Variants in NPSR1 observed in about 807,000 individuals in gnomAD.
NPSR1 encodes the protein neuropeptide S receptor.
A neutral mutation model predicts 46.9 loss-of-function variants in NPSR1; 48 were observed. The observed-to-expected ratio is 1.02, with a 90% CI of 0.81 to 1.30. The LOEUF is 1.30. Ranked by LOEUF, NPSR1 falls within the 50% of genes most tolerant of loss-of-function variation. NPSR1 has a pLI of 0.00. For synonymous variants in NPSR1, 176 were observed against 168.1 expected (o/e 1.05, Z -0.36); for missense variants, 450 against 449.5 (o/e 1.00, Z -0.01).
intron 8 of NPSR1, among the ~76,000 whole-genome samples, chr7:34,857,971 G>A (rs139137246): frequency 0.014 from 2,145 of 151,778 alleles, 103 homozygotes; most frequent in African/African-American, 0.042. Context: ...AAAAGCAAGG[G>A]AAAGTAAATT....
At chr7:34,818,490 T>A (rs921764997) in intron 4 of NPSR1, among the ~76,000 whole-genome samples, 22 of 152,192 alleles carry the variant, frequency 1.4e-4, no homozygotes, top group African/African-American at 4.8e-4. Flanking sequence ...ATGGCCATAC[T>A]GCCCAAGGTA....
At chr7:34,792,116 G>C (rs1787909260) in intron 3 of NPSR1, among the ~76,000 whole-genome samples, 2 of 151,982 alleles carry the variant, frequency 1.3e-5, no homozygotes, top group Admixed American at 6.6e-5. Flanking sequence ...AAAATTCCTA[G>C]ATAAAAACAG....
At chr7:34,699,120 T>C (rs1407461425) in intron 2 of NPSR1, among the ~76,000 whole-genome samples, 1 of 152,204 alleles carries the variant, frequency 6.6e-6, no homozygotes, top group African/African-American at 2.4e-5. Flanking sequence ...ATACTGGCTC[T>C]ATTAGGATGA....
At chr7:34,765,721 G>A (rs117628887) in intron 2 of NPSR1, among the ~76,000 whole-genome samples, 102 of 152,292 alleles carry the variant, frequency 6.7e-4, no homozygotes, top group Non-Finnish European at 1.2e-3. Flanking sequence ...CTATGCAGTC[G>A]TAGAAAAGAA....
intron 2 of NPSR1, among the ~76,000 whole-genome samples, chr7:34,729,760 T>C (rs1385822685): frequency 6.6e-6 from 1 of 152,100 alleles, no homozygotes; most frequent in Non-Finnish European, 1.5e-5. Flanking sequence ...AAATACAAAA[T>C]GCATATGAAC....
chr7:34,834,265 A>G, intron 5 of NPSR1, 119 bp from the exon 6 acceptor site: 3 of 746,580 alleles, frequency 4.0e-6, no homozygotes, highest in Non-Finnish European at 7.3e-6. Context: ...GGGGGCAGGC[A>G]TGGTTAAAAG....
At chr7:34,725,831 G>C (rs1364615373) in intron 2 of NPSR1, among the ~76,000 whole-genome samples, 1 of 152,192 alleles carries the variant, frequency 6.6e-6, no homozygotes, top group East Asian at 1.9e-4. Context: ...CACGTGTCAA[G>C]GGTGGTGCCG....
At chr7:34,802,488 G>A (rs1299032073) in intron 3 of NPSR1, among the ~76,000 whole-genome samples, 8 of 150,338 alleles carry the variant, frequency 5.3e-5, no homozygotes, top group South Asian at 2.1e-4. Context: ...TTTAATAAAC[G>A]GTGCTGGGAA....
chr7:34,857,937 A>C (rs10244389), intron 8 of NPSR1, among the ~76,000 whole-genome samples: 1 of 151,576 alleles, frequency 6.6e-6, no homozygotes, highest in Admixed American at 6.6e-5. Context: ...ACAAAAAACT[A>C]TGAAAAGGTG....
chr7:34,761,259 A>T (rs1786159995), intron 2 of NPSR1: 1 of 152,414 alleles, frequency 6.6e-6, no homozygotes, highest in Admixed American at 6.5e-5. Context: ...TTAACCTGAC[A>T]GTCTCTGGCA....
At chr7:34,852,465 G>C (rs139297023), downstream of NPSR1, among the ~76,000 whole-genome samples, 2 of 152,262 alleles carry the variant, frequency 1.3e-5, no homozygotes, top group African/African-American at 4.8e-5. Context: ...TCAGGCTGGA[G>C]CAGAGGATCT....
chr7:34,776,545 C>T (rs1023329998), intron 2 of NPSR1, among the ~76,000 whole-genome samples: 2 of 152,146 alleles, frequency 1.3e-5, no homozygotes, highest in Non-Finnish European at 2.9e-5. Flanking sequence ...TTTCCATTGA[C>T]ATGGAATATC....
intron 2 of NPSR1, among the ~76,000 whole-genome samples, chr7:34,696,351 T>C (rs1203243891): frequency 6.6e-6 from 1 of 152,082 alleles, no homozygotes; most frequent in African/African-American, 2.4e-5. Context: ...AAAAGTTACC[T>C]ATTGGTTACA....
chr7:34,749,627 C>A (rs1312343254), intron 2 of NPSR1, among the ~76,000 whole-genome samples: 5 of 152,200 alleles, frequency 3.3e-5, no homozygotes, highest in Admixed American at 6.5e-5. Context: ...TCCTAAGAGG[C>A]AAGCCCTGGG....
intron 8 of NPSR1, among the ~76,000 whole-genome samples, chr7:34,876,313 A>G (rs1185053570): frequency 2.0e-5 from 3 of 152,182 alleles, no homozygotes; most frequent in Non-Finnish European, 4.4e-5. Context: ...CATTTTGCTT[A>G]TGCTTTTTGG....
chr7:34,768,822 T>C (rs1305129943), intron 2 of NPSR1, among the ~76,000 whole-genome samples: 1 of 152,088 alleles, frequency 6.6e-6, no homozygotes, highest in Non-Finnish European at 1.5e-5. Flanking sequence ...GGATTCAAAT[T>C]TGAGATCTAC....
chr7:34,741,329 G>GT (rs886195425), intron 2 of NPSR1, among the ~76,000 whole-genome samples: 51 of 151,900 alleles, frequency 3.4e-4, no homozygotes, highest in South Asian at 4.2e-4. Context: ...GTCTTCTCAT[G>GT]TTTTTTTTGA....
chr7:34,671,913 T>C (rs923172100), intron 1 of NPSR1, among the ~76,000 whole-genome samples: 9 of 152,192 alleles, frequency 5.9e-5, no homozygotes, highest in African/African-American at 1.9e-4. Context: ...GGGGAAAGTT[T>C]CTCAGACACT....
At chr7:34,714,967 G>A (rs1013486615) in intron 2 of NPSR1, among the ~76,000 whole-genome samples, 2 of 152,338 alleles carry the variant, frequency 1.3e-5, no homozygotes, top group African/African-American at 4.8e-5. Context: ...CCACATCCCA[G>A]GCTGGTATAC....
Sources: gnomAD v4.1 joint callset for allele counts (sites outside exome capture counted in the v4.1 genomes callset) on GRCh38, gnomAD v4.1.1 for gene constraint, MANE v1.5 for transcripts, NCBI Gene and HGNC (gene_info 2026-07-23, HGNC 2026-07-21) for gene names.